PTPRG: variants seen among roughly 807,000 people sequenced by gnomAD.
PTPRG encodes protein tyrosine phosphatase receptor type G.
Under a neutral mutation model 165.3 loss-of-function variants are expected in PTPRG, and 102 were observed. That is an observed-to-expected ratio of 0.62 (90% CI 0.53 to 0.73). The LOEUF (loss-of-function observed/expected upper bound fraction) is 0.73, where lower values mean the gene tolerates loss of function less well. Among genes scored for constraint, PTPRG ranks in the 30% least tolerant of loss-of-function variants. PTPRG has a pLI of 0.00. For missense variants in PTPRG, 1,866 were observed against 1,861.4 expected (o/e 1.00, Z -0.05); for synonymous variants, 675 against 669.5 (o/e 1.01, Z -0.13).
In PTPRG at chr3:62,101,086, T is replaced by C. The variant is rs142486731; in HGVS notation, c.615+22828T>C. Among the ~76,000 whole-genome samples the C allele has an allele frequency of 7.5e-4, 114 of 152,334 alleles. 1 individual carries two copies. The East Asian group carries it at 0.012, about 16-fold the overall frequency. ...TAATAATAAATGATTGAGGGTTTGC[T>C]TCAGCATAATTGGAGGAGTGTGAGG... On this transcript the variant is annotated intron_variant, in intron 5 of 29. Coordinates refer to ENST00000474889, the MANE Select transcript of PTPRG (RefSeq NM_002841.4).
intron 5 of PTPRG, among the ~76,000 whole-genome samples, chr3:62,094,628 G>C (rs1030625985): frequency 5.3e-5 from 8 of 152,212 alleles, no homozygotes; most frequent in Non-Finnish European, 7.3e-5. Context: ...TTCTGTGCCA[G>C]GATGTACCAG....
chr3:61,723,907 A>G (rs577490528), intron 1 of PTPRG, among the ~76,000 whole-genome samples: 1 of 152,298 alleles, frequency 6.6e-6, no homozygotes, highest in Non-Finnish European at 1.5e-5. Context: ...GCATCCACTA[A>G]TCTGTCTTAC....
In PTPRG at chr3:62,294,944, G is replaced by A. The variant is rs997561843; in HGVS notation, c.*1637G>A. Reference sequence around the variant, plus strand: ...GGCTTTCATAAAGTTTGTCAGAATGGTGCTGGAGGACCAGAAGTGCTAAGG... The same window carrying A: ...GGCTTTCATAAAGTTTGTCAGAATGATGCTGGAGGACCAGAAGTGCTAAGG... On this transcript the variant is annotated 3_prime_UTR_variant, in exon 30 of 30. Transcript: ENST00000474889. 1 of 152,096 alleles carries A rather than the reference G, an allele frequency of 6.6e-6. No individual in the cohort carries two copies. The highest frequency in any genetic ancestry group is 1.5e-5 in the Non-Finnish European group (1 of 68,014). 9.4% of individuals were successfully genotyped at this position (152,096 alleles called of 1,614,324 possible).
chr3:61,636,754 C>G (rs907865367), intron 1 of PTPRG, among the ~76,000 whole-genome samples: 11 of 152,146 alleles, frequency 7.2e-5, no homozygotes, highest in African/African-American at 2.4e-4. Context: ...ATGAATAGTG[C>G]TGATCTAAAC....
At chr3:61,798,861 A>G (rs145970330) in intron 2 of PTPRG, among the ~76,000 whole-genome samples, 249 of 152,124 alleles carry the variant, frequency 1.6e-3, no homozygotes, top group African/African-American at 5.8e-3. Flanking sequence ...AACAGACCAG[A>G]GGCATGGTGA....
intron 4 of PTPRG, among the ~76,000 whole-genome samples, chr3:62,045,857 A>T (rs7628997): frequency 2.0e-5 from 3 of 152,030 alleles, no homozygotes; most frequent in Non-Finnish European, 4.4e-5. Context: ...TTGAAGTGAG[A>T]CTAGTTATCT....
chr3:62,269,137 C>T lies in PTPRG; in HGVS notation c.2977C>T (p.Arg993Cys), dbSNP rs747467108. The T allele has an allele frequency of 3.7e-5, 59 of 1,592,586 alleles. No homozygotes were observed. Among genetic ancestry groups the T allele is most frequent in the South Asian group, 1.3e-4 (11 of 87,658 alleles). Residue 993 changes from arginine (R) to cysteine (C), a missense_variant, in exon 20 of 30, where the codon CGT (arginine) becomes TGT (cysteine). Around this residue, in one of 3 missense-constraint regions of PTPRG, gnomAD observed 1,452 missense variants for 1,463.0 expected, o/e 0.99. Transcript: ENST00000474889. ...AATACATGCCTGCTACACTGTTCGT[C>T]GTTTTTCAATCAGAAATACAAAAGT... ...TKIHACYTVR[R>C]FSIRNTKVKK... is the part of the protein sequence containing the mutation.
intron 5 of PTPRG, among the ~76,000 whole-genome samples, chr3:62,090,937 C>G (rs560693645): frequency 3.9e-5 from 6 of 152,246 alleles, no homozygotes; most frequent in African/African-American, 1.4e-4. Flanking sequence ...CACTTCAATC[C>G]CTTTGTCCAT....
intron 27 of PTPRG, among the ~76,000 whole-genome samples, chr3:62,282,371 G>A (rs1399712025): frequency 1.3e-5 from 2 of 151,408 alleles, no homozygotes; most frequent in South Asian, 2.1e-4. Flanking sequence ...CTATAGGCAT[G>A]TACCATATGA....
rs1351248985 is a variant in PTPRG at position 61,661,192 on chromosome 3, C to T, written c.86-87686C>T. Among the ~76,000 whole-genome samples, 3 of 152,220 alleles carry T rather than the reference C, an allele frequency of 2.0e-5. No individual in the cohort carries two copies. In the East Asian group the frequency reaches 5.8e-4, roughly 29 times the overall value. On this transcript the variant is annotated intron_variant, in intron 1 of 29. Coordinates refer to ENST00000474889, the MANE Select transcript of PTPRG (RefSeq NM_002841.4). ...GGCTCAAGCAATCCTTTCGCCTCAG[C>T]CTCCCGAGTAGCTAGGACTACAAGT...
At chr3:61,588,278 A>T (rs1700483953) in intron 1 of PTPRG, among the ~76,000 whole-genome samples, 1 of 152,182 alleles carries the variant, frequency 6.6e-6, no homozygotes, top group Admixed American at 6.5e-5. Context: ...GAAAGTTTTG[A>T]ACATATACCC....
At chr3:61,771,861 A>G (rs548686421) in intron 2 of PTPRG, among the ~76,000 whole-genome samples, 1 of 151,952 alleles carries the variant, frequency 6.6e-6, no homozygotes, top group East Asian at 1.9e-4. Context: ...GGATTTCGAG[A>G]CCAGCCTGGC....
At chr3:62,262,705 C>A in intron 16 of PTPRG, 93 bp from the exon 17 acceptor site, 2 of 761,756 alleles carry the variant, frequency 2.6e-6, no homozygotes, top group Non-Finnish European at 4.0e-6. Context: ...GTGGCTGTGG[C>A]CAGGGAGTGA....
In PTPRG at chr3:62,122,113, A is replaced by C. The variant is rs188097401; in HGVS notation, c.616-10489A>C. 5.9e-5 allele frequency among the ~76,000 whole-genome samples: 9 copies of C among 152,302 alleles called. No individual in the cohort carries two copies. The East Asian group carries it at 1.5e-3, about 26-fold the overall frequency. ...TTTGTGGATTTTGAGATGTTTGTCT[A>C]CTTAAATAAGCTATCTGTAACCCCC... is the stretch of plus-strand genomic sequence containing the variant. On this transcript the variant is annotated intron_variant, in intron 5 of 29. Transcript: ENST00000474889.
At chr3:62,094,413 T>C (rs1401232341) in intron 5 of PTPRG, among the ~76,000 whole-genome samples, 5 of 151,964 alleles carry the variant, frequency 3.3e-5, no homozygotes, top group African/African-American at 1.2e-4. Context: ...TCTTGTACTT[T>C]GGAACCACTT....
chr3:61,920,535 A>G (rs1053897791), intron 2 of PTPRG, among the ~76,000 whole-genome samples: 2 of 152,184 alleles, frequency 1.3e-5, no homozygotes, highest in Non-Finnish European at 2.9e-5. Context: ...AGCTGGGACC[A>G]TAGGCTTGCA....
At chr3:61,720,266 G>T (rs1189112037) in intron 1 of PTPRG, among the ~76,000 whole-genome samples, 1 of 151,984 alleles carries the variant, frequency 6.6e-6, no homozygotes, top group Non-Finnish European at 1.5e-5. Context: ...TGGGATTACA[G>T]GCATGCACCA....
chr3:61,801,612 G>A (rs747542972), intron 2 of PTPRG, among the ~76,000 whole-genome samples: 7 of 152,090 alleles, frequency 4.6e-5, no homozygotes, highest in African/African-American at 7.2e-5. Flanking sequence ...AAAGAATAAC[G>A]TCTGTGTTGG....
chr3:61,673,049 C>T (rs927181892), intron 1 of PTPRG, among the ~76,000 whole-genome samples: 2 of 152,032 alleles, frequency 1.3e-5, no homozygotes, highest in Non-Finnish European at 2.9e-5. Context: ...GTCCTAGCTA[C>T]TCGGAGAGAC....
Sources: gnomAD v4.1 joint callset for allele counts (sites outside exome capture counted in the v4.1 genomes callset) on GRCh38, gnomAD v4.1.1 for gene constraint, gnomAD v4.1.1 regional missense constraint, MANE v1.5 for transcripts, NCBI Gene and HGNC (gene_info 2026-07-23, HGNC 2026-07-21) for gene names.